Variants in OR9G1 observed in about 807,000 individuals in gnomAD.
OR9G1 encodes the protein olfactory receptor 9G1.
In OR9G1, 21 loss-of-function variants were observed where a neutral mutation model predicts 14.5. That is an observed-to-expected ratio of 1.45 (90% CI 1.03 to 2.09). The LOEUF is 2.09. OR9G1 is among the 30% of genes most tolerant of loss of function. The probability of loss-of-function intolerance (pLI) is 0.00; values close to 1 mark genes in which losing one functional copy is unlikely to be tolerated. For missense variants in OR9G1, 476 were observed against 364.2 expected, an observed-to-expected ratio of 1.31 and a Z score of -2.50; for synonymous variants, 179 against 153.3, an observed-to-expected ratio of 1.17 and a Z score of -1.24.
chr11:56,701,190 A>G lies in OR9G1; in HGVS notation c.803A>G (p.Asp268Gly), dbSNP rs762892024. ...YALPRSSYSF[D>G]MDKIVSTFYT... ...CTCCCCAGATCTAGCTATTCTTTTG[A>G]TATGGACAAAATAGTTTCTACATTT... Residue 268 changes from aspartate (D) to glycine (G), a missense_variant, in exon 2 of 2, where the codon GAT becomes GGT. Physicochemically the swap from Asp to Gly is moderately conservative, Grantham distance 94. Around this residue, in one of 3 missense-constraint regions of OR9G1, gnomAD observed 352 missense variants for 211.6 expected, o/e 1.66. Coordinates refer to ENST00000642097, the MANE Select transcript of OR9G1 (RefSeq NM_001005213.2). 6.2e-7 allele frequency: 1 copy of G among 1,614,298 alleles called. No individual in the cohort carries two copies. The highest frequency in any genetic ancestry group is 8.5e-7 in the Non-Finnish European group (1 of 1,180,048).
chr11:56,699,261 A>T (rs1289961131), intron 1 of OR9G1, 71 bp downstream of exon 1: 1 of 152,394 alleles, frequency 6.6e-6, no homozygotes, highest in Admixed American at 6.5e-5. Flanking sequence ...CAAACGCTGC[A>T]GGTAGATCTA....
intron 1 of OR9G1, 138 bp from the exon 2 acceptor site, chr11:56,700,232 A>T: frequency 7.3e-7 from 1 of 1,361,142 alleles, no homozygotes; most frequent in Non-Finnish European, 9.7e-7. Context: ...TGATTGTTGC[A>T]AAATGAAGAC....
At position 56,703,358 on chromosome 11, in the gene OR9G1, C is replaced by G. The variant is rs776378778; in HGVS notation, c.*2053C>G. On this transcript the variant is annotated 3_prime_UTR_variant, in exon 2 of 2. Transcript: ENST00000642097. Reference sequence around the variant, plus strand: ...GCAACACACAGTAACACAGCCGAAACAGAGTCCAACAGTGTAATTCCAAGA... The same window carrying G: ...GCAACACACAGTAACACAGCCGAAAGAGAGTCCAACAGTGTAATTCCAAGA... The G allele has an allele frequency of 1.5e-4, 5 of 33,434 alleles. No homozygotes were observed. The highest frequency in any genetic ancestry group is 2.3e-4 in the African/African-American group (2 of 8,800). 2.1% of individuals were successfully genotyped at this position (33,434 alleles called of 1,614,324 possible). A position where few individuals can be genotyped will look rare whatever the true frequency, so the allele number is the denominator to read the frequency against.
intron 1 of OR9G1, 103 bp from the exon 2 acceptor site, chr11:56,700,267 T>G (rs1300155587): frequency 2.6e-5 from 38 of 1,457,524 alleles, no homozygotes; most frequent in Non-Finnish European, 2.2e-5. Context: ...AATTAGATTG[T>G]TGGTTCTAGA....
In OR9G1 at chr11:56,702,907, T is replaced by G. The variant is rs1158490681; in HGVS notation, c.*1602T>G. On this transcript the variant is annotated 3_prime_UTR_variant, in exon 2 of 2. Transcript: ENST00000642097. ...TCAAAATCATTTAAAAAGTGGATCT[T>G]ACATGTTCTCACCACAAAGCAGTGG... is the stretch of plus-strand genomic sequence containing the variant. 1 of 151,712 alleles carries G rather than the reference T, an allele frequency of 6.6e-6. No individual in the cohort carries two copies. Among genetic ancestry groups the G allele is most frequent in the Non-Finnish European group, 1.5e-5 (1 of 67,896 alleles). 9.4% of individuals were successfully genotyped at this position (151,712 alleles called of 1,614,324 possible).
Position 56,701,260 on chromosome 11 carries a change from A to G in OR9G1, c.873A>G (p.Leu291=). The change falls in exon 2 of 2, where the codon CTA becomes CTG. Residue 291 remains leucine (L), a synonymous_variant. Transcript: ENST00000642097. ...TGTTGAATCTCATGATCTACAGCCT[A>G]AGGAATAAGGATGTGAAAGAGGCTC... The part of the protein sequence containing the change: ...FPMLNLMIYS[L]RNKDVKEALK... The G allele has an allele frequency of 6.2e-7, 1 of 1,613,232 alleles. No individual in the cohort carries two copies. The highest frequency in any genetic ancestry group is 8.5e-7 in the Non-Finnish European group (1 of 1,179,788).
Position 56,702,372 on chromosome 11 carries a change from T to G in OR9G1, c.*1067T>G, listed in dbSNP as rs1004098244. 1.3e-5 allele frequency: 2 copies of G among 152,284 alleles called. No homozygotes were observed. The highest frequency in any genetic ancestry group is 4.8e-5 in the African/African-American group (2 of 41,484). The allele number at this position is 152,284 out of a possible 1,614,324, so 9.4% of individuals were successfully genotyped here. On this transcript the variant is annotated 3_prime_UTR_variant, in exon 2 of 2. Coordinates refer to ENST00000642097, the MANE Select transcript of OR9G1 (RefSeq NM_001005213.2). ...CAATGAACATGAAAGCACAGATATC[T>G]CCTCAACATACCTATATCAATTCCT...
chr11:56,701,249 A>T lies in OR9G1; in HGVS notation c.862A>T (p.Ile288Phe), dbSNP rs771613406. 30 of 1,614,208 alleles carry T rather than the reference A, an allele frequency of 1.9e-5. No homozygotes were observed. In the Middle Eastern group the frequency reaches 5.0e-4, roughly 27 times the overall value. The change falls in exon 2 of 2, where the codon ATC becomes TTC. Residue 288 changes from isoleucine to phenylalanine, a missense_variant. By Grantham distance (21) the Ile-to-Phe change is conservative. Coordinates refer to ENST00000642097, the MANE Select transcript of OR9G1 (RefSeq NM_001005213.2). ...TVVFPMLNLM[I>F]YSLRNKDVKE... ...GGTATTCCCCATGTTGAATCTCATG[A>T]TCTACAGCCTAAGGAATAAGGATGT...
In OR9G1 at chr11:56,702,010, A is replaced by G. The variant is rs1327433326; in HGVS notation, c.*705A>G. The stretch of plus-strand genomic sequence containing the variant: ...ACCTTCTGAGCATCAAAGGGCAATT[A>G]TCATCATTTAAAAAATAATTATTAT... On this transcript the variant is annotated 3_prime_UTR_variant, in exon 2 of 2. Coordinates refer to ENST00000642097, the MANE Select transcript of OR9G1 (RefSeq NM_001005213.2). The G allele has an allele frequency of 6.6e-6, 1 of 152,308 alleles. No homozygotes were observed. The highest frequency in any genetic ancestry group is 6.5e-5 in the Admixed American group (1 of 15,292). 9.4% of individuals were successfully genotyped at this position (152,308 alleles called of 1,614,324 possible). A position where few individuals can be genotyped will look rare whatever the true frequency, so the allele number is the denominator to read the frequency against.
intron 1 of OR9G1, among the ~76,000 whole-genome samples, 155 bp downstream of exon 1, chr11:56,699,345 AG>A (rs1368193859): frequency 1.3e-5 from 2 of 152,310 alleles, no homozygotes; most frequent in African/African-American, 4.8e-5. Context: ...AGGTAGCAAA[AG>A]CTCAAGTGGA....
At position 56,701,311 on chromosome 11, in the gene OR9G1, G is replaced by T; in HGVS notation, c.*6G>T. On this transcript the variant is annotated 3_prime_UTR_variant, in exon 2 of 2. Coordinates refer to ENST00000642097, the MANE Select transcript of OR9G1 (RefSeq NM_001005213.2). ...TGAAAAAACTTCTCCCATAAATCAAGATTATCTCCACCAGAGGAGAAACAA... is the reference window on the plus strand; with the variant it reads ...TGAAAAAACTTCTCCCATAAATCAATATTATCTCCACCAGAGGAGAAACAA... 1 of 1,594,566 alleles carries T rather than the reference G, an allele frequency of 6.3e-7. No individual in the cohort carries two copies. Among genetic ancestry groups the T allele is most frequent in the South Asian group, 1.1e-5 (1 of 87,756 alleles).
chr11:56,701,842 A>AAG lies in OR9G1; in HGVS notation c.*537_*538insAG. 6.6e-6 allele frequency: 1 copy of AAG among 152,472 alleles called. No individual in the cohort carries two copies. Among genetic ancestry groups the AAG allele is most frequent in the African/African-American group, 2.4e-5 (1 of 41,484 alleles). The allele number at this position is 152,472 out of a possible 1,614,324, so 9.4% of individuals were successfully genotyped here. ...AGACCCAGAAAGGCATGACCTTGCT[A>AAG]TGCCTCTTACATAAGTTTCTTGATG... is the stretch of plus-strand genomic sequence containing the variant. On this transcript the variant is annotated 3_prime_UTR_variant, in exon 2 of 2. Coordinates refer to ENST00000642097, the MANE Select transcript of OR9G1 (RefSeq NM_001005213.2).
rs1857632286 is a variant in OR9G1 at position 56,701,456 on chromosome 11, AT to A, written c.*154del. On this transcript the variant is annotated 3_prime_UTR_variant, in exon 2 of 2. Transcript: ENST00000642097. ...CATGTACAATAAGAAAATTAGGAAA[AT>A]TTCGGACAAAAACATCTGAATATAT... The A allele has an allele frequency of 9.0e-7, 1 of 1,114,904 alleles. No individual in the cohort carries two copies. The highest frequency in any genetic ancestry group is 1.2e-6 in the Non-Finnish European group (1 of 826,318). 69.1% of individuals were successfully genotyped at this position (1,114,904 alleles called of 1,614,324 possible). A position where few individuals can be genotyped will look rare whatever the true frequency, so the allele number is the denominator to read the frequency against.
intron 1 of OR9G1, 55 bp from the exon 2 acceptor site, chr11:56,700,315 A>C: frequency 6.3e-7 from 1 of 1,575,590 alleles, no homozygotes; most frequent in Non-Finnish European, 8.6e-7. Context: ...TATGTAACAT[A>C]ATTCTACATA....
chr11:56,700,282 ACG>A (rs1202974047), intron 1 of OR9G1, 86 bp from the exon 2 acceptor site: 9 of 4,556 alleles, frequency 2.0e-3, no homozygotes, highest in Non-Finnish European at 2.7e-3. Context: ...TCTAGACTTC[ACG>A]AAACACTGCA....
rs772249842 is a variant in OR9G1 at position 56,701,057 on chromosome 11, G to C, written c.670G>C (p.Val224Leu). Residue 224 changes from valine to leucine, a missense_variant, in exon 2 of 2, where the codon GTC (valine) becomes CTC (leucine). Around this residue, in one of 3 missense-constraint regions of OR9G1, gnomAD observed 352 missense variants for 211.6 expected, o/e 1.66. Coordinates refer to ENST00000642097, the MANE Select transcript of OR9G1 (RefSeq NM_001005213.2). Reference protein sequence around the residue: ...LASYLFIITSVLRISSSKGYL... With the variant: ...LASYLFIITSLLRISSSKGYL... ...CTCCTACCTCTTTATCATCACCAGT[G>C]TCTTGAGGATCTCCTCCTCCAAGGG... The C allele has an allele frequency of 1.2e-6, 2 of 1,614,314 alleles. No homozygotes were observed. Among genetic ancestry groups the C allele is most frequent in the South Asian group, 2.2e-5 (2 of 91,090 alleles).
Position 56,701,142 on chromosome 11 carries a change from G to C in OR9G1, c.755G>C (p.Gly252Ala). Residue 252 changes from glycine to alanine, a missense_variant, in exon 2 of 2, where the codon GGC becomes GCC. Coordinates refer to ENST00000642097, the MANE Select transcript of OR9G1 (RefSeq NM_001005213.2). ...SHLTSVTLYY[G>A]SILYIYALPR... ...CTGACCTCTGTCACTTTATACTATG[G>C]CTCCATTCTCTACATCTACGCTCTC... 1 of 1,614,318 alleles carries C rather than the reference G, an allele frequency of 6.2e-7. No individual in the cohort carries two copies. Among genetic ancestry groups the C allele is most frequent in the Non-Finnish European group, 8.5e-7 (1 of 1,180,060 alleles).
Position 56,701,126 on chromosome 11 carries a change from G to C in OR9G1, c.739G>C (p.Val247Leu), listed in dbSNP as rs139444966. The change falls in exon 2 of 2, where the codon GTC becomes CTC. Residue 247 changes from valine to leucine, a missense_variant. Val to Leu is a conservative substitution (Grantham distance 32). Coordinates refer to ENST00000642097, the MANE Select transcript of OR9G1 (RefSeq NM_001005213.2). ...CACATGCTCCTCCCACCTGACCTCT[G>C]TCACTTTATACTATGGCTCCATTCT... ...FSTCSSHLTSVTLYYGSILYI... is the reference protein window; with the variant it reads ...FSTCSSHLTSLTLYYGSILYI... 2 of 1,614,136 alleles carry C rather than the reference G, an allele frequency of 1.2e-6. No homozygotes were observed. Among genetic ancestry groups the C allele is most frequent in the South Asian group, 1.1e-5 (1 of 91,088 alleles).
rs1205003198 is a variant in OR9G1, at chr11:56,703,763, C to T, written c.*2458C>T. 2 of 152,306 alleles carry T rather than the reference C, an allele frequency of 1.3e-5. No individual in the cohort carries two copies. The highest frequency in any genetic ancestry group is 4.1e-4 in the South Asian group (2 of 4,838). 9.4% of individuals were successfully genotyped at this position (152,306 alleles called of 1,614,324 possible). On this transcript the variant is annotated 3_prime_UTR_variant, in exon 2 of 2. Transcript: ENST00000642097. ...TTATGGGAGCCTACCAGAATTCATT[C>T]TTCAAATAAGAATAAGAATATGCCC...
Sources: gnomAD v4.1 joint callset for allele counts (sites outside exome capture counted in the v4.1 genomes callset) on GRCh38, gnomAD v4.1.1 for gene constraint, gnomAD v4.1.1 regional missense constraint, MANE v1.5 for transcripts, NCBI Gene and HGNC (gene_info 2026-07-23, HGNC 2026-07-21) for gene names.